The following MRI1 variants were observed in gnomAD, a reference collection of about 807,000 sequenced individuals.
The protein encoded by MRI1 is methylthioribose-1-phosphate isomerase 1.
In MRI1, 32 loss-of-function variants were observed where a neutral mutation model predicts 27.3. The ratio of observed to expected loss-of-function variants is 1.17; its 90% CI spans 0.88 to 1.57. The LOEUF is 1.57. Ranked by LOEUF, MRI1 falls within the 40% of genes most tolerant of loss-of-function variation. The pLI is 0.00. For synonymous variants in MRI1, 216 were observed against 227.4 expected (o/e 0.95, Z 0.45); for missense variants, 508 against 516.1 (o/e 0.98, Z 0.15).
Position 13,768,645 on chromosome 19 carries a change from T to A in MRI1, c.632T>A (p.Leu211Gln), listed in dbSNP as rs1309220518. 1 of 1,613,870 alleles carries A rather than the reference T, an allele frequency of 6.2e-7. No individual in the cohort carries two copies. Among genetic ancestry groups the A allele is most frequent in the African/African-American group, 1.3e-5 (1 of 75,062 alleles). The change falls in exon 4 of 6, where the codon CTG becomes CAG. Residue 211 changes from leucine to glutamine, a missense_variant. Around this residue, in one of 3 missense-constraint regions of MRI1, gnomAD observed 457 missense variants for 452.8 expected, o/e 1.01. Transcript: ENST00000040663. ...ETRPYNQGAR[L>Q]TAFELVYEQI... ...CGGCCCTACAACCAGGGAGCCCGGC[T>A]GACGGCCTTTGAGCTGGTCTATGAG...
Position 13,768,644 on chromosome 19 carries a change from C to A in MRI1, c.631C>A (p.Leu211Met). ...CCGGCCCTACAACCAGGGAGCCCGGCTGACGGCCTTTGAGCTGGTCTATGA... is the reference window on the plus strand; with the variant it reads ...CCGGCCCTACAACCAGGGAGCCCGGATGACGGCCTTTGAGCTGGTCTATGA... ...ETRPYNQGAR[L>M]TAFELVYEQI... is the part of the protein sequence containing the mutation. The change falls in exon 4 of 6, where the codon CTG (leucine) becomes ATG (methionine). Residue 211 changes from leucine (L) to methionine (M), a missense_variant. Leu to Met is a conservative substitution (Grantham distance 15). This residue lies in a region of MRI1 where 457 missense variants were observed against 452.8 expected (regional missense o/e 1.01). Coordinates refer to ENST00000040663, the MANE Select transcript of MRI1 (RefSeq NM_001031727.4). 1 of 1,613,848 alleles carries A rather than the reference C, an allele frequency of 6.2e-7. No homozygotes were observed. Among genetic ancestry groups the A allele is most frequent in the Non-Finnish European group, 8.5e-7 (1 of 1,179,954 alleles).
At chr19:13,770,591 A>C (rs1468391638) in intron 5 of MRI1, among the ~76,000 whole-genome samples, 2 of 151,452 alleles carry the variant, frequency 1.3e-5, no homozygotes, top group African/African-American at 2.4e-5. Context: ...CATCTCAAAA[A>C]TAAAAAAAAA....
Position 13,766,041 on chromosome 19 carries a change from G to A in MRI1, c.459G>A (p.Glu153=). 6.2e-7 allele frequency: 1 copy of A among 1,613,266 alleles called. No individual in the cohort carries two copies. Among genetic ancestry groups the A allele is most frequent in the Non-Finnish European group, 8.5e-7 (1 of 1,179,878 alleles). Residue 153 remains glutamate (E), a synonymous_variant, in exon 3 of 6, where the codon GAG becomes GAA. Transcript: ENST00000040663. ...IGDLGARHLL[E]RVAPSGGKVT... is the part of the protein sequence containing the mutation. ...ACCTAGGAGCCCGCCACCTCCTGGA[G>A]CGGGTGGCCCCCAGCGGTGGCAAGG...
At chr19:13,770,242 G>A (rs12971679) in intron 5 of MRI1, among the ~76,000 whole-genome samples, 20,200 of 152,160 alleles carry the variant, frequency 0.13, 1,657 homozygotes, top group East Asian at 0.25. Flanking sequence ...ACCCAAGGGC[G>A]GTCAGTGAAT....
At position 13,765,655 on chromosome 19, in the gene MRI1, C is replaced by T. The variant is rs531537621; in HGVS notation, c.372-299C>T. 1.0e-3 allele frequency among the ~76,000 whole-genome samples: 154 copies of T among 152,364 alleles called. 1 individual carries two copies. In the South Asian group the frequency reaches 0.031, roughly 31 times the overall value. ...GCTCTCTGTTGCCTGATTCTGCCGG[C>T]TTTTCCTTCATTTTATTATCTCTTC... On this transcript the variant is annotated intron_variant, in intron 2 of 5. Coordinates refer to ENST00000040663, the MANE Select transcript of MRI1 (RefSeq NM_001031727.4).
chr19:13,767,037 ATTTTTTTTTTTTTTT>A (rs1161584156), intron 3 of MRI1, among the ~76,000 whole-genome samples: 60 of 21,124 alleles, frequency 2.8e-3, no homozygotes, highest in African/African-American at 9.0e-3. Context: ...ATATATATAT[ATTTTTTTTTTTTTTT>A]TTTTTTTTTT....
In MRI1 at chr19:13,768,556, C is replaced by T. The variant is rs376998472; in HGVS notation, c.548-5C>T. On this transcript the variant is annotated splice_region_variant and splice_polypyrimidine_tract_variant and intron_variant, in intron 3 of 5. Coordinates refer to ENST00000040663, the MANE Select transcript of MRI1 (RefSeq NM_001031727.4). ...GCCTTCTCCTGGTGGGTGGGGCCCCCGCAGGTGTGATTCGCTCACTGCACA... is the reference window on the plus strand; with the variant it reads ...GCCTTCTCCTGGTGGGTGGGGCCCCTGCAGGTGTGATTCGCTCACTGCACA... 6.2e-6 allele frequency: 10 copies of T among 1,600,928 alleles called. No individual in the cohort carries two copies. The highest frequency in any genetic ancestry group is 2.2e-5 in the South Asian group (2 of 89,520).
At chr19:13,768,359 A>T in intron 3 of MRI1, 3 of 1,403,218 alleles carry the variant, frequency 2.1e-6, no homozygotes, top group African/African-American at 1.4e-5. Context: ...CTTTAAACAG[A>T]CGTGAAACGG....
At chr19:13,764,751 C>T (rs1480252929) in intron 1 of MRI1, 31 bp downstream of exon 1, 1 of 41,700 alleles carries the variant, frequency 2.4e-5, no homozygotes, top group Non-Finnish European at 3.0e-5. Flanking sequence ...GGCGGGGCGG[C>T]GGGGCGGCGG....
chr19:13,765,183 A>T, intron 2 of MRI1, 74 bp downstream of exon 2: 8 of 1,220,420 alleles, frequency 6.6e-6, no homozygotes, highest in Non-Finnish European at 8.7e-6. Context: ...GTGACCCACT[A>T]TACAGATGGG....
At chr19:13,767,029 ATATATATATTTTTTTTTTTTTTTTTTT>A (rs1476381175) in intron 3 of MRI1, among the ~76,000 whole-genome samples, 2 of 42,244 alleles carry the variant, frequency 4.7e-5, no homozygotes, top group African/African-American at 1.2e-4. Flanking sequence ...ATATATATAT[ATATATATATTTTTTTTTTTTTTTTTTT>A]TTTTTTTTTT....
chr19:13,768,725 A>G lies in MRI1; in HGVS notation c.712A>G (p.Arg238Gly). The change falls in exon 4 of 6, where the codon AGG becomes GGG. Residue 238 changes from arginine to glycine, a missense_variant. Transcript: ENST00000040663. ...CATGGTGGCTGCTGCCATGGCCCAT[A>G]GGGGCGTGTCAGGTAAGCAGACGGT... ...DSMVAAAMAH[R>G]GVSAVVVGAD... The G allele has an allele frequency of 1.2e-6, 2 of 1,613,322 alleles. No individual in the cohort carries two copies. The highest frequency in any genetic ancestry group is 1.7e-6 in the Non-Finnish European group (2 of 1,179,700).
At chr19:13,767,725 T>C (rs1444293448) in intron 3 of MRI1, among the ~76,000 whole-genome samples, 2 of 151,984 alleles carry the variant, frequency 1.3e-5, no homozygotes, top group Non-Finnish European at 2.9e-5. Context: ...GGAGGATTGC[T>C]TTTTATTTAT....
chr19:13,766,040 A>G lies in MRI1; in HGVS notation c.458A>G (p.Glu153Gly). ...IGDLGARHLL[E>G]RVAPSGGKVT... ...GACCTAGGAGCCCGCCACCTCCTGG[A>G]GCGGGTGGCCCCCAGCGGTGGCAAG... The change falls in exon 3 of 6, where the codon GAG becomes GGG. Residue 153 changes from glutamate (E) to glycine (G), a missense_variant. By Grantham distance (98) the Glu-to-Gly change is moderately conservative. Coordinates refer to ENST00000040663, the MANE Select transcript of MRI1 (RefSeq NM_001031727.4). 1.2e-6 allele frequency: 2 copies of G among 1,613,194 alleles called. No homozygotes were observed. Among genetic ancestry groups the G allele is most frequent in the Non-Finnish European group, 1.7e-6 (2 of 1,179,834 alleles).
chr19:13,771,328 C>G (rs764636457), intron 5 of MRI1, among the ~76,000 whole-genome samples: 18 of 147,872 alleles, frequency 1.2e-4, no homozygotes, highest in Non-Finnish European at 1.8e-4. Context: ...GATCATGTCA[C>G]TGCACTCCAG....
rs1001524795 is a variant in MRI1, at chr19:13,764,952, C to T, written c.214C>T (p.Leu72Phe). Residue 72 changes from leucine (L) to phenylalanine (F), a missense_variant, in exon 2 of 6, where the codon CTC (leucine) becomes TTC (phenylalanine). Leu to Phe is a conservative substitution (Grantham distance 22). Transcript: ENST00000040663. Reference protein sequence around the residue: ...ELQAGAGGPGLAALVAFVRDK... With the variant: ...ELQAGAGGPGFAALVAFVRDK... ...GCAGGCGGGCGCCGGGGGACCGGGACTCGCCGCGCTCGTGGCCTTCGTGCG... is the reference window on the plus strand; with the variant it reads ...GCAGGCGGGCGCCGGGGGACCGGGATTCGCCGCGCTCGTGGCCTTCGTGCG... The T allele has an allele frequency of 2.0e-6, 3 of 1,507,234 alleles. No homozygotes were observed. The African/African-American group carries it at 4.3e-5, about 22-fold the overall frequency. 93.4% of individuals were successfully genotyped at this position (1,507,234 alleles called of 1,614,324 possible).
In MRI1 at chr19:13,768,659, C is replaced by CT. The variant is rs1345989189; in HGVS notation, c.647dup (p.Val217GlyfsTer3). 7 of 1,613,914 alleles carry CT rather than the reference C, an allele frequency of 4.3e-6. No individual in the cohort carries two copies. In the South Asian group the frequency reaches 7.7e-5, roughly 18 times the overall value. ...GGGAGCCCGGCTGACGGCCTTTGAGCTGGTCTATGAGCAGATCCCCGCCAC... is the reference window on the plus strand; with the variant it reads ...GGGAGCCCGGCTGACGGCCTTTGAGCTTGGTCTATGAGCAGATCCCCGCCAC... On this transcript the variant is annotated frameshift_variant, in exon 4 of 6. Coordinates refer to ENST00000040663, the MANE Select transcript of MRI1 (RefSeq NM_001031727.4). LOFTEE classifies it high-confidence loss of function.
At chr19:13,769,129 C>A in intron 5 of MRI1, 81 bp downstream of exon 5, 1 of 1,201,420 alleles carries the variant, frequency 8.3e-7, no homozygotes. Context: ...CCTTGTCATC[C>A]TTCTGGAACA....
chr19:13,768,773 G>C lies in MRI1; in HGVS notation c.724+36G>C, dbSNP rs113514021. On this transcript the variant is annotated intron_variant, in intron 4 of 5. Transcript: ENST00000040663. ...GGTAAGCCCTGGGGGCGGGGCTCTGGAGCATGGGGCCAGGTAATGACCCCC... is the reference window on the plus strand; with the variant it reads ...GGTAAGCCCTGGGGGCGGGGCTCTGCAGCATGGGGCCAGGTAATGACCCCC... The C allele has an allele frequency of 5.6e-6, 9 of 1,596,010 alleles. No homozygotes were observed. In the African/African-American group the frequency reaches 8.0e-5, roughly 14 times the overall value.
Sources: gnomAD v4.1 joint callset for allele counts (sites outside exome capture counted in the v4.1 genomes callset) on GRCh38, gnomAD v4.1.1 for gene constraint, gnomAD v4.1.1 regional missense constraint, MANE v1.5 for transcripts, NCBI Gene and HGNC (gene_info 2026-07-23, HGNC 2026-07-21) for gene names.